VWA8: variants seen among roughly 807,000 people sequenced by gnomAD.
VWA8 encodes the protein von Willebrand factor A domain-containing protein 8.
VWA8 carries 221 observed loss-of-function variants against 241.5 expected under a neutral mutation model. That is an observed-to-expected ratio of 0.91 (90% CI 0.82 to 1.02). The LOEUF (loss-of-function observed/expected upper bound fraction) is 1.02, where lower values mean the gene tolerates loss of function less well. VWA8 is among the 50% of genes least tolerant of loss of function. VWA8 has a pLI of 0.00. For synonymous variants in VWA8, 852 were observed against 827.1 expected, an observed-to-expected ratio of 1.03 and a Z score of -0.52; for missense variants, 2,322 against 2,328.7, an observed-to-expected ratio of 1.00 and a Z score of 0.06.
chr13:41,568,949 A>G (rs561730391), intron 44 of VWA8, among the ~76,000 whole-genome samples: 1 of 151,252 alleles, frequency 6.6e-6, no homozygotes, highest in East Asian at 1.9e-4. Flanking sequence ...AATTATCCTT[A>G]AAAATAACAT....
rs550335217 is a variant in VWA8 at position 41,854,487 on chromosome 13, ATATT to A, written c.1425+11245_1425+11248del. Among the ~76,000 whole-genome samples, 58 of 149,566 alleles carry A rather than the reference ATATT, an allele frequency of 3.9e-4. 1 individual carries two copies. The South Asian group carries it at 0.012, about 31-fold the overall frequency. On this transcript the variant is annotated intron_variant, in intron 12 of 44. Coordinates refer to ENST00000379310, the MANE Select transcript of VWA8 (RefSeq NM_015058.2). The stretch of plus-strand genomic sequence containing the variant: ...TGTTATATTTATTTATAAATTTATT[ATATT>A]TATTTTTATTTTATATATATTTTCC...
intron 37 of VWA8, among the ~76,000 whole-genome samples, chr13:41,647,997 A>G (rs967480227): frequency 6.6e-6 from 1 of 152,166 alleles, no homozygotes; most frequent in African/African-American, 2.4e-5. Flanking sequence ...TCAGGAAAAA[A>G]AAAAAGAATT....
chr13:41,809,408 A>G (rs914705251), intron 17 of VWA8, among the ~76,000 whole-genome samples: 4 of 152,210 alleles, frequency 2.6e-5, no homozygotes, highest in African/African-American at 9.6e-5. Context: ...TAACAGATAC[A>G]TAGACCAATG....
At chr13:41,697,295 AT>A (rs1593703387) in intron 29 of VWA8, among the ~76,000 whole-genome samples, 2 of 152,200 alleles carry the variant, frequency 1.3e-5, no homozygotes, top group African/African-American at 2.4e-5. Context: ...AGTTTCCCTC[AT>A]TGTGCCTTAG....
In VWA8 at chr13:41,833,578, T is replaced by A. The variant is rs778954469; in HGVS notation, c.1426-47A>T. On this transcript the variant is annotated intron_variant, in intron 12 of 44. Coordinates refer to ENST00000379310, the MANE Select transcript of VWA8 (RefSeq NM_015058.2). The stretch of plus-strand genomic sequence containing the variant: ...CAACAAAGAACATGACGAATTAATT[T>A]TTAAGACATGCAAGGTAGCTTACAT... The A allele has an allele frequency of 5.2e-6, 8 of 1,528,190 alleles. No homozygotes were observed. In the East Asian group the frequency reaches 1.9e-4, roughly 36 times the overall value. The allele number at this position is 1,528,190 out of a possible 1,614,324, so 94.7% of individuals were successfully genotyped here.
At chr13:41,881,833 G>A (rs537486873) in intron 9 of VWA8, among the ~76,000 whole-genome samples, 2 of 146,196 alleles carry the variant, frequency 1.4e-5, no homozygotes, top group African/African-American at 2.5e-5. Context: ...CCTCCCGGAC[G>A]GGGCGGCTGG....
At chr13:41,595,339 G>C (rs951244429) in intron 40 of VWA8, among the ~76,000 whole-genome samples, 1 of 152,148 alleles carries the variant, frequency 6.6e-6, no homozygotes, top group Non-Finnish European at 1.5e-5. Context: ...GAGAGTAAGG[G>C]AGAGGGAAAC....
intron 42 of VWA8, among the ~76,000 whole-genome samples, chr13:41,583,401 T>C (rs2044395934): frequency 6.6e-6 from 1 of 152,046 alleles, no homozygotes; most frequent in African/African-American, 2.4e-5. Context: ...CCCAGCACTT[T>C]GGGGGGCCAA....
chr13:41,700,272 T>G (rs1390260698), intron 28 of VWA8, among the ~76,000 whole-genome samples: 2 of 151,928 alleles, frequency 1.3e-5, no homozygotes, highest in South Asian at 2.1e-4. Context: ...GCATCATATC[T>G]ATTTATTATA....
intron 20 of VWA8, among the ~76,000 whole-genome samples, chr13:41,766,646 C>T (rs1420529151): frequency 1.3e-5 from 2 of 152,204 alleles, no homozygotes. Context: ...TTCCACTCCC[C>T]CACCTAGCCT....
chr13:41,886,748 T>A (rs950963764), intron 7 of VWA8, 33 bp downstream of exon 7: 2 of 1,531,460 alleles, frequency 1.3e-6, no homozygotes, highest in Admixed American at 4.2e-5. Context: ...AATTCAATAT[T>A]CAGTGTCCAG....
chr13:41,787,103 T>A (rs1869228863), intron 18 of VWA8, among the ~76,000 whole-genome samples: 1 of 148,692 alleles, frequency 6.7e-6, no homozygotes, highest in Non-Finnish European at 1.5e-5. Flanking sequence ...GATTCACTGG[T>A]GAAATACATT....
chr13:41,616,913 GAGA>G (rs1284349607), intron 37 of VWA8, among the ~76,000 whole-genome samples: 3 of 152,180 alleles, frequency 2.0e-5, no homozygotes, highest in South Asian at 2.1e-4. Flanking sequence ...CATGAGAAAT[GAGA>G]AGGACAAAGA....
intron 21 of VWA8, among the ~76,000 whole-genome samples, chr13:41,759,987 C>T (rs1001610078): frequency 7.9e-5 from 12 of 151,756 alleles, no homozygotes; most frequent in African/African-American, 2.9e-4. Flanking sequence ...AGCAAGCATC[C>T]TTCTTTATCA....
chr13:41,672,611 T>C (rs117473413), intron 36 of VWA8, among the ~76,000 whole-genome samples: 3 of 152,318 alleles, frequency 2.0e-5, no homozygotes, highest in African/African-American at 2.4e-5. Flanking sequence ...TTTGACCTTT[T>C]TTCAGTCTGC....
At chr13:41,738,967 C>CTT (rs2045546242) in intron 21 of VWA8, among the ~76,000 whole-genome samples, 1 of 152,174 alleles carries the variant, frequency 6.6e-6, no homozygotes, top group Admixed American at 6.5e-5. Flanking sequence ...TTTAAAAAGA[C>CTT]TTTATCAATT....
intron 20 of VWA8, among the ~76,000 whole-genome samples, chr13:41,776,476 G>C (rs535424667): frequency 2.0e-5 from 3 of 152,240 alleles, no homozygotes; most frequent in Non-Finnish European, 2.9e-5. Flanking sequence ...ATCTTTTACT[G>C]TTCAGTGAAG....
intron 21 of VWA8, among the ~76,000 whole-genome samples, chr13:41,743,313 A>G (rs559718612): frequency 6.6e-6 from 1 of 152,316 alleles, no homozygotes; most frequent in South Asian, 2.1e-4. Flanking sequence ...AAAGATGAGC[A>G]ATGGACTGGT....
intron 17 of VWA8, among the ~76,000 whole-genome samples, chr13:41,809,792 G>A (rs770405781): frequency 3.3e-5 from 5 of 152,050 alleles, no homozygotes; most frequent in African/African-American, 7.2e-5. Flanking sequence ...GGCAGCAAAG[G>A]AAATTGTCAA....
Sources: gnomAD v4.1 joint callset for allele counts (sites outside exome capture counted in the v4.1 genomes callset) on GRCh38, gnomAD v4.1.1 for gene constraint, MANE v1.5 for transcripts, NCBI Gene and HGNC (gene_info 2026-07-23, HGNC 2026-07-21) for gene names.